NKAP: variants seen among roughly 807,000 people sequenced by gnomAD.
The protein encoded by NKAP is NFKB activating protein.
In NKAP, 4 loss-of-function variants were observed where a neutral mutation model predicts 35.6. The observed-to-expected ratio is 0.11, with a 90% CI of 0.06 to 0.26. The LOEUF (loss-of-function observed/expected upper bound fraction) is 0.26. Ranked by LOEUF, NKAP falls within the 10% of genes least tolerant of loss-of-function variation. The probability of loss-of-function intolerance (pLI) is 1.00; values close to 1 mark genes in which losing one functional copy is unlikely to be tolerated. For synonymous variants in NKAP, 106 were observed against 119.2 expected (o/e 0.89, Z 0.72); for missense variants, 238 against 321.9 (o/e 0.74, Z 1.99).
At chrX:119,930,911 C>A (rs1012908361) in intron 7 of NKAP, among the ~76,000 whole-genome samples, 5 of 111,051 alleles carry the variant, frequency 4.5e-5, no homozygotes, top group Non-Finnish European at 9.4e-5. Flanking sequence ...GAGGTTGAGG[C>A]GGGCAGATCA....
chrX:119,933,926 G>T (rs1262184870), intron 5 of NKAP, among the ~76,000 whole-genome samples: 1 of 111,007 alleles, frequency 9.0e-6, no homozygotes, highest in Admixed American at 9.7e-5. Context: ...GGGCGACAGA[G>T]CGAGACTTCA....
intron 5 of NKAP, among the ~76,000 whole-genome samples, chrX:119,933,304 G>T (rs889284680): frequency 3.6e-5 from 4 of 111,825 alleles, no homozygotes; most frequent in African/African-American, 9.7e-5. Flanking sequence ...CCTAATAAAT[G>T]AAGGATAAAG....
rs759225233 is a variant in NKAP, at chrX:119,941,295, T to C, written c.386+1925A>G. ...TGGGTATGTTTCTGAAAAATGTAAC[T>C]TGGAGAGATGGGTCTCCAACCTAAC... On this transcript the variant is annotated intron_variant, in intron 1 of 8. Transcript: ENST00000371410. Among the ~76,000 whole-genome samples the C allele has an allele frequency of 4.5e-5, 5 of 112,148 alleles. No individual in the cohort carries two copies. In the South Asian group the frequency reaches 1.8e-3, roughly 41 times the overall value.
chrX:119,933,944 A>C (rs190843596), intron 5 of NKAP, among the ~76,000 whole-genome samples: 1,540 of 111,590 alleles, frequency 0.014, 35 homozygotes, highest in African/African-American at 0.047. Context: ...TCATCTCAAA[A>C]AAAACAAAAC....
intron 6 of NKAP, 31 bp from the exon 7 acceptor site, chrX:119,932,042 C>A (rs752212431): frequency 8.5e-7 from 1 of 1,182,750 alleles, no homozygotes; most frequent in South Asian, 1.8e-5. Flanking sequence ...AACACATTCA[C>A]ATTCTGACTA....
At chrX:119,934,449 A>AAG in intron 5 of NKAP, 45 bp downstream of exon 5, 1 of 780,000 alleles carries the variant, frequency 1.3e-6, no homozygotes, top group Non-Finnish European at 1.8e-6. Context: ...AAAAAAAAAA[A>AAG]AAAAAAGAAA....
intron 5 of NKAP, among the ~76,000 whole-genome samples, chrX:119,934,111 A>G (rs1356867053): frequency 1.2e-4 from 13 of 111,108 alleles, no homozygotes; most frequent in Non-Finnish European, 2.5e-4. Flanking sequence ...AAGGATCATT[A>G]TACTATTTTA....
intron 3 of NKAP, 62 bp from the exon 4 acceptor site, chrX:119,936,493 CAG>C (rs2056767190): frequency 4.0e-6 from 4 of 996,702 alleles, no homozygotes; most frequent in African/African-American, 2.0e-5. Context: ...TCAAAAGAAA[CAG>C]ACGATGGGCA....
chrX:119,925,930 TTTTTTTTTTTTTTTTAA>T (rs2056709759), intron 8 of NKAP, among the ~76,000 whole-genome samples: 2 of 42,498 alleles, frequency 4.7e-5, no homozygotes, highest in South Asian at 3.7e-3. Flanking sequence ...TCCTTTTTTC[TTTTTTTTTTTTTTTTAA>T]TTTTTTTTTT....
rs1212194152 is a variant in NKAP, at chrX:119,922,251, A to C, written c.*2969T>G. On this transcript the variant is annotated 3_prime_UTR_variant, in exon 9 of 9. Coordinates refer to ENST00000371410, the MANE Select transcript of NKAP (RefSeq NM_024528.4). ...AACTAGTTTCTTTTAACTTTTGAAA[A>C]CTACAGATTTATTAGGCTAGGCAGC... The C allele has an allele frequency of 8.9e-6, 1 of 112,041 alleles. No homozygotes were observed. The highest frequency in any genetic ancestry group is 1.9e-5 in the Non-Finnish European group (1 of 53,259). The allele number at this position is 112,041 out of a possible 1,213,427, so 9.2% of individuals were successfully genotyped here. A position where few individuals can be genotyped will look rare whatever the true frequency, so the allele number is the denominator to read the frequency against.
chrX:119,943,338 T>C lies in NKAP; in HGVS notation c.268A>G (p.Ile90Val), dbSNP rs370316717. ...SRERPSAPRG[I>V]PFASASSSVY... ...GACGAGGAGGCAGAAGCGAAGGGGATGCCCCGGGGCGCAGAGGGCCGCTCT... is the reference window on the plus strand; with the variant it reads ...GACGAGGAGGCAGAAGCGAAGGGGACGCCCCGGGGCGCAGAGGGCCGCTCT... The change falls in exon 1 of 9, where the codon ATC becomes GTC. Residue 90 changes from isoleucine to valine, a missense_variant. Ile to Val is a conservative substitution (Grantham distance 29). Around this residue, in one of 5 missense-constraint regions of NKAP, gnomAD observed 123 missense variants for 115.3 expected, o/e 1.07. Transcript: ENST00000371410. 11 of 1,210,865 alleles carry C rather than the reference T, an allele frequency of 9.1e-6. No individual in the cohort carries two copies. Among genetic ancestry groups the C allele is most frequent in the Non-Finnish European group, 1.1e-5 (10 of 895,314 alleles).
At chrX:119,928,490 T>G (rs756971052) in intron 8 of NKAP, among the ~76,000 whole-genome samples, 1 of 112,456 alleles carries the variant, frequency 8.9e-6, no homozygotes, top group East Asian at 2.8e-4. Flanking sequence ...CTCCTCTCAT[T>G]TATAATTTAT....
At chrX:119,940,375 T>A in intron 1 of NKAP, among the ~76,000 whole-genome samples, 1 of 95,144 alleles carries the variant, frequency 1.1e-5, no homozygotes. Flanking sequence ...AAAAAAAAAC[T>A]ATACTCAATG....
chrX:119,938,070 G>T (rs867608602), intron 2 of NKAP: 1 of 111,991 alleles, frequency 8.9e-6, no homozygotes, highest in South Asian at 3.7e-4. Context: ...AAACCATACT[G>T]GTATATTCGT....
rs61053620 is a variant in NKAP at position 119,939,318 on chromosome X, G to C, written c.387-508C>G. On this transcript the variant is annotated intron_variant, in intron 1 of 8. Transcript: ENST00000371410. ...TATTTATTTTTTTAGATGGAGTCTC[G>C]CTCTGTCGCCCAGGCTGGAGTGCAG... 2.7e-5 allele frequency among the ~76,000 whole-genome samples: 3 copies of C among 111,889 alleles called. No individual in the cohort carries two copies. The East Asian group carries it at 8.5e-4, about 32-fold the overall frequency.
intron 4 of NKAP, among the ~76,000 whole-genome samples, chrX:119,934,800 G>A (rs2056759494): frequency 9.0e-6 from 1 of 110,782 alleles, no homozygotes; most frequent in Non-Finnish European, 1.9e-5. Context: ...ATAGTGTGGT[G>A]GCTAATTAGG....
Position 119,936,305 on chromosome X carries a change from T to A in NKAP, c.665A>T (p.Asp222Val), listed in dbSNP as rs769628227. Residue 222 changes from aspartate (D) to valine (V), a missense_variant, in exon 4 of 9, where the codon GAC becomes GTC. Transcript: ENST00000371410. Reference protein sequence around the residue: ...DSDSDSDSETDSSDEDNKRRA... With the variant: ...DSDSDSDSETVSSDEDNKRRA... ...GCTGTTGGCGTTCTTACCACTGGAG[T>A]CTGTTTCAGAATCAGAGTCACTGTC... is the stretch of plus-strand genomic sequence containing the variant. 8.3e-7 allele frequency: 1 copy of A among 1,204,139 alleles called. No individual in the cohort carries two copies. Among genetic ancestry groups the A allele is most frequent in the Admixed American group, 2.2e-5 (1 of 44,564 alleles).
chrX:119,941,157 T>A (rs967484560), intron 1 of NKAP, among the ~76,000 whole-genome samples: 1 of 109,952 alleles, frequency 9.1e-6, no homozygotes, highest in South Asian at 3.8e-4. Flanking sequence ...AAAAAAAAGA[T>A]AAATTATTTA....
At chrX:119,938,909 T>C in intron 1 of NKAP, 99 bp from the exon 2 acceptor site, 1 of 609,267 alleles carries the variant, frequency 1.6e-6, no homozygotes, top group South Asian at 3.3e-5. Context: ...TTTTTTCCCT[T>C]TATATTTTAA....
Sources: allele counts gnomAD v4.1 joint callset (sites outside exome capture counted in the v4.1 genomes callset), GRCh38; gene constraint gnomAD v4.1.1; regional missense constraint gnomAD v4.1.1; transcripts MANE v1.5; gene names NCBI Gene and HGNC (gene_info 2026-07-23, HGNC 2026-07-21).